NEDD4: variants seen among roughly 807,000 people sequenced by gnomAD.
The protein encoded by NEDD4 is E3 ubiquitin-protein ligase NEDD4.
A neutral mutation model predicts 144.9 loss-of-function variants in NEDD4; 99 were observed. That is an observed-to-expected ratio of 0.68 (90% CI 0.58 to 0.81). The LOEUF is 0.81. Among genes scored for constraint, NEDD4 ranks in the 30% least tolerant of loss-of-function variants. The pLI is 0.00. For missense variants in NEDD4, 985 were observed against 1,065.9 expected, an observed-to-expected ratio of 0.92 and a Z score of 1.06; for synonymous variants, 318 against 350.6, an observed-to-expected ratio of 0.91 and a Z score of 1.04.
Position 55,993,606 on chromosome 15 carries a change from C to T in NEDD4, c.-51G>A. 5.1e-6 allele frequency: 8 copies of T among 1,578,792 alleles called. No homozygotes were observed. The highest frequency in any genetic ancestry group is 6.9e-6 in the Non-Finnish European group (8 of 1,166,142). ...CGCGCTCGCCCCCGCCCAGGGCAGG[C>T]AACTGTGGAGGAGGAGGAGGAGAAG... On this transcript the variant is annotated 5_prime_UTR_variant, in exon 1 of 29. Coordinates refer to ENST00000435532, the MANE Select transcript of NEDD4 (RefSeq NM_006154.4).
intron 1 of NEDD4, chr15:55,987,192 T>C (rs2037910446): frequency 1.2e-5 from 1 of 81,454 alleles, no homozygotes; most frequent in African/African-American, 5.0e-5. Flanking sequence ...TATCTCATAG[T>C]GGTTTTGATT....
chr15:55,874,438 C>T (rs1260066294), intron 5 of NEDD4, among the ~76,000 whole-genome samples: 1 of 151,986 alleles, frequency 6.6e-6, no homozygotes, highest in African/African-American at 2.4e-5. Flanking sequence ...CTTGAGGAGT[C>T]AGAAGGCCTA....
chr15:55,905,349 G>A (rs2036056053), intron 5 of NEDD4: 1 of 449,462 alleles, frequency 2.2e-6, no homozygotes, highest in South Asian at 1.6e-5. Context: ...TCAGAGAGAA[G>A]ACACTAACAA....
chr15:55,974,737 A>AC lies in NEDD4; in HGVS notation c.46-8192dup, dbSNP rs1555409225. 2.5e-3 allele frequency among the ~76,000 whole-genome samples: 370 copies of AC among 150,698 alleles called. 4 individuals are homozygous for AC. Among genetic ancestry groups the AC allele is most frequent in the African/African-American group, 5.1e-3 (210 of 41,132 alleles). On this transcript the variant is annotated intron_variant, in intron 1 of 28. Coordinates refer to ENST00000435532, the MANE Select transcript of NEDD4 (RefSeq NM_006154.4). ...ACATCTCTTCATGATAAAAAAAAAA[A>AC]CCCTCAAAAACCTGACTATAGATGG... is the stretch of plus-strand genomic sequence containing the variant.
At chr15:55,992,965 C>A (rs527618651) in intron 1 of NEDD4, among the ~76,000 whole-genome samples, 1 of 152,228 alleles carries the variant, frequency 6.6e-6, no homozygotes, top group Non-Finnish European at 1.5e-5. Flanking sequence ...TGTTCCTGCT[C>A]TCCCATCCCT....
At chr15:55,905,376 C>T in intron 5 of NEDD4, 3 of 426,570 alleles carry the variant, frequency 7.0e-6, no homozygotes, top group South Asian at 5.1e-5. Context: ...GGTTTCCCAA[C>T]AGTGAAACCC....
intron 5 of NEDD4, among the ~76,000 whole-genome samples, chr15:55,920,942 C>A (rs187432655): frequency 4.7e-5 from 7 of 147,818 alleles, no homozygotes; most frequent in East Asian, 2.2e-4. Context: ...GCTGGTAAAC[C>A]GAGTTTCTCA....
In NEDD4 at chr15:55,837,542, T is replaced by C. The variant is rs2033269823; in HGVS notation, c.2262+247A>G. On this transcript the variant is annotated intron_variant, in intron 24 of 28. Transcript: ENST00000435532. ...CTATCCCTAAAGCACTCTTGTTCTT[T>C]TGCTGTCCTAAAGTGAAGAGAATGG... Among the ~76,000 whole-genome samples the C allele has an allele frequency of 5.3e-5, 8 of 152,260 alleles. No individual in the cohort carries two copies. The South Asian group carries it at 1.7e-3, about 32-fold the overall frequency.
chr15:55,848,322 A>G (rs12911101), intron 17 of NEDD4, 50 bp downstream of exon 17: 133,368 of 1,559,154 alleles, frequency 0.086, 6,373 homozygotes, highest in Non-Finnish European at 0.098. Context: ...GCTCTTGAAG[A>G]GACAGGTGAG....
intron 21 of NEDD4, among the ~76,000 whole-genome samples, chr15:55,839,308 T>G (rs1337396855): frequency 6.6e-6 from 1 of 152,088 alleles, no homozygotes; most frequent in Non-Finnish European, 1.5e-5. Context: ...GGATTACAGT[T>G]GCACACCCCT....
At chr15:55,987,257 G>A (rs2037911504) in intron 1 of NEDD4, 1 of 32,650 alleles carries the variant, frequency 3.1e-5, no homozygotes, top group African/African-American at 1.3e-4. Context: ...TTTTTTGGCT[G>A]CATAAATGTC....
chr15:55,855,064 C>T (rs1486815597), intron 12 of NEDD4, among the ~76,000 whole-genome samples: 2 of 152,144 alleles, frequency 1.3e-5, no homozygotes, highest in South Asian at 2.1e-4. Flanking sequence ...CGATGATAGT[C>T]TTTCAATGGC....
intron 1 of NEDD4, among the ~76,000 whole-genome samples, chr15:55,971,821 C>T (rs1437261930): frequency 6.6e-6 from 1 of 152,032 alleles, no homozygotes; most frequent in Non-Finnish European, 1.5e-5. Context: ...AGTAACCAAA[C>T]TCCCAAAGGC....
chr15:55,967,719 T>C (rs983503639), intron 1 of NEDD4, among the ~76,000 whole-genome samples: 13 of 152,062 alleles, frequency 8.5e-5, no homozygotes. Context: ...AAAAACTTCA[T>C]AGATAACATT....
intron 7 of NEDD4, among the ~76,000 whole-genome samples, chr15:55,870,301 G>A (rs539728234): frequency 1.3e-5 from 2 of 152,144 alleles, no homozygotes; most frequent in Non-Finnish European, 2.9e-5. Flanking sequence ...GATGACAGAA[G>A]AGTAGAGGGC....
At chr15:55,869,338 A>G (rs2034692754) in intron 8 of NEDD4, among the ~76,000 whole-genome samples, 1 of 152,234 alleles carries the variant, frequency 6.6e-6, no homozygotes, top group Admixed American at 6.5e-5. Flanking sequence ...AAAACTTTGA[A>G]AAACTAGATT....
rs535581608 is a variant in NEDD4, at chr15:55,843,158, T to C, written c.1609-995A>G. Among the ~76,000 whole-genome samples, 38 of 152,304 alleles carry C rather than the reference T, an allele frequency of 2.5e-4. 1 individual carries two copies. The highest frequency in any genetic ancestry group is 1.2e-3 in the Admixed American group (19 of 15,292). On this transcript the variant is annotated intron_variant, in intron 18 of 28. Transcript: ENST00000435532. ...TTCTGCCATGATTGTGAGGCCTCCC[T>C]AGCCATGTAGAACTGTAGGTCCAAT...
intron 4 of NEDD4, among the ~76,000 whole-genome samples, chr15:55,947,717 T>C (rs1331689378): frequency 2.6e-5 from 4 of 152,198 alleles, no homozygotes; most frequent in Admixed American, 2.0e-4. Flanking sequence ...ATTATCTCAA[T>C]AGATGCAGAA....
rs1171941758 is a variant in NEDD4, at chr15:55,827,211, A to C, written c.*2686T>G. ...TAATACAATTTTGTTAAAAATTTTT[A>C]ATAAGAGATTGTAGGCTAAAGTTAT... On this transcript the variant is annotated 3_prime_UTR_variant, in exon 29 of 29. Transcript: ENST00000435532. The C allele has an allele frequency of 6.6e-6, 1 of 152,248 alleles. No homozygotes were observed. Among genetic ancestry groups the C allele is most frequent in the Non-Finnish European group, 1.5e-5 (1 of 68,040 alleles). The allele number at this position is 152,248 out of a possible 1,614,324, so 9.4% of individuals were successfully genotyped here.
Sources: gnomAD v4.1 joint callset for allele counts (sites outside exome capture counted in the v4.1 genomes callset) on GRCh38, gnomAD v4.1.1 for gene constraint, MANE v1.5 for transcripts, NCBI Gene and HGNC (gene_info 2026-07-23, HGNC 2026-07-21) for gene names.